The following UNC5C variants were observed in gnomAD, a reference collection of about 807,000 sequenced individuals.
UNC5C encodes unc-5 netrin receptor C.
A neutral mutation model predicts 99.8 loss-of-function variants in UNC5C; 47 were observed. The ratio of observed to expected loss-of-function variants is 0.47; its 90% CI spans 0.37 to 0.60. The LOEUF (loss-of-function observed/expected upper bound fraction) is 0.60, where lower values mean the gene tolerates loss of function less well. Ranked by LOEUF, UNC5C falls within the 20% of genes least tolerant of loss-of-function variation. UNC5C has a pLI of 0.00. For missense variants in UNC5C, 1,062 were observed against 1,165.9 expected, an observed-to-expected ratio of 0.91 and a Z score of 1.30; for synonymous variants, 487 against 452.2, an observed-to-expected ratio of 1.08 and a Z score of -0.98.
chr4:95,484,183 G>T (rs1721259925), intron 1 of UNC5C, among the ~76,000 whole-genome samples: 1 of 151,832 alleles, frequency 6.6e-6, no homozygotes, highest in Admixed American at 6.6e-5. Flanking sequence ...AGCCACATGG[G>T]TGGGTGTATA....
intron 1 of UNC5C, among the ~76,000 whole-genome samples, chr4:95,446,977 A>G (rs1377602813): frequency 6.6e-6 from 1 of 152,120 alleles, no homozygotes; most frequent in African/African-American, 2.4e-5. Context: ...ACCATTATCT[A>G]TTCTTAAGTT....
At chr4:95,447,194 G>T (rs1266022653) in intron 1 of UNC5C, among the ~76,000 whole-genome samples, 2 of 152,000 alleles carry the variant, frequency 1.3e-5, no homozygotes, top group African/African-American at 4.8e-5. Flanking sequence ...TATATGTATT[G>T]TTATAAAATT....
rs1385591181 is a variant in UNC5C, at chr4:95,167,016, A to G, written c.*2218T>C. 1 of 152,212 alleles carries G rather than the reference A, an allele frequency of 6.6e-6. No homozygotes were observed. The highest frequency in any genetic ancestry group is 2.4e-5 in the African/African-American group (1 of 41,446). The allele number at this position is 152,212 out of a possible 1,614,324, so 9.4% of individuals were successfully genotyped here. On this transcript the variant is annotated 3_prime_UTR_variant, in exon 16 of 16. Coordinates refer to ENST00000453304, the MANE Select transcript of UNC5C (RefSeq NM_003728.4). Reference sequence around the variant, plus strand: ...TGTATGTATGTCCAAAACAGAAGATACGGAATAAAAAGCATGAAAGAAAGA... The same window carrying G: ...TGTATGTATGTCCAAAACAGAAGATGCGGAATAAAAAGCATGAAAGAAAGA...
intron 14 of UNC5C, among the ~76,000 whole-genome samples, chr4:95,180,483 A>G (rs1736569803): frequency 1.3e-5 from 2 of 151,978 alleles, no homozygotes; most frequent in Non-Finnish European, 2.9e-5. Flanking sequence ...TTGTGTCAAT[A>G]CAGTTAGTTA....
At chr4:95,423,497 A>G (rs1410105918) in intron 1 of UNC5C, among the ~76,000 whole-genome samples, 1 of 152,262 alleles carries the variant, frequency 6.6e-6, no homozygotes, top group African/African-American at 2.4e-5. Flanking sequence ...TCACTACAAG[A>G]TCTGAAAAAG....
intron 1 of UNC5C, among the ~76,000 whole-genome samples, chr4:95,466,100 T>C (rs1747768639): frequency 6.6e-6 from 1 of 152,174 alleles, no homozygotes; most frequent in African/African-American, 2.4e-5. Context: ...AGGAGAGGGA[T>C]TTTGAAGATC....
intron 1 of UNC5C, among the ~76,000 whole-genome samples, chr4:95,429,731 T>A (rs1161865353): frequency 6.6e-6 from 1 of 152,132 alleles, no homozygotes; most frequent in East Asian, 1.9e-4. Context: ...ATTCTTGTCA[T>A]TCCTGACTGG....
Position 95,514,349 on chromosome 4 carries a change from T to A in UNC5C, c.124+34385A>T, listed in dbSNP as rs114051003. On this transcript the variant is annotated intron_variant, in intron 1 of 15. Transcript: ENST00000453304. ...AATTAGGTATAAATATAAAGTAAGT[T>A]CAGATATTTCAGAGATGTGGGTGAA... 5.4e-3 allele frequency among the ~76,000 whole-genome samples: 823 copies of A among 152,236 alleles called. 8 individuals are homozygous for A. Among genetic ancestry groups the A allele is most frequent in the African/African-American group, 0.019 (779 of 41,578 alleles).
At chr4:95,182,289 ATTCTAC>A (rs557961503) in intron 14 of UNC5C, among the ~76,000 whole-genome samples, 117 of 152,286 alleles carry the variant, frequency 7.7e-4, no homozygotes, top group African/African-American at 2.7e-3. Context: ...AAATACGGAG[ATTCTAC>A]TTCTATTTGT....
intron 1 of UNC5C, among the ~76,000 whole-genome samples, chr4:95,534,189 C>T (rs1269847623): frequency 1.4e-4 from 22 of 152,084 alleles, no homozygotes; most frequent in Non-Finnish European, 8.8e-5. Context: ...ACAAGTGAAT[C>T]AGTTTTATAG....
At chr4:95,484,087 A>T (rs951886979) in intron 1 of UNC5C, among the ~76,000 whole-genome samples, 1 of 151,828 alleles carries the variant, frequency 6.6e-6, no homozygotes, top group African/African-American at 2.4e-5. Flanking sequence ...TTAGAATATC[A>T]GAGTGGTGAG....
chr4:95,270,910 C>T (rs1740636009), intron 4 of UNC5C, among the ~76,000 whole-genome samples: 2 of 152,174 alleles, frequency 1.3e-5, no homozygotes, highest in African/African-American at 4.8e-5. Flanking sequence ...AACTCTCAGC[C>T]TTTCTTCTTA....
intron 2 of UNC5C, among the ~76,000 whole-genome samples, chr4:95,318,591 C>T (rs909342231): frequency 6.6e-6 from 1 of 152,150 alleles, no homozygotes; most frequent in African/African-American, 2.4e-5. Flanking sequence ...TGTGGAGAGG[C>T]AGCCTCTTAG....
At chr4:95,458,765 GC>G (rs1246013330) in intron 1 of UNC5C, among the ~76,000 whole-genome samples, 2 of 151,926 alleles carry the variant, frequency 1.3e-5, no homozygotes, top group Admixed American at 6.6e-5. Flanking sequence ...CTTTGCATAT[GC>G]CTACTCTTTT....
At position 95,311,295 on chromosome 4, in the gene UNC5C, A is replaced by C. The variant is rs141826690; in HGVS notation, c.347-9546T>G. On this transcript the variant is annotated intron_variant, in intron 2 of 15. Coordinates refer to ENST00000453304, the MANE Select transcript of UNC5C (RefSeq NM_003728.4). ...TGTGTGTCAATATTCTTTGGAATAT[A>C]AAAAAAACAATTTTGTGAATACATG... 2.7e-5 allele frequency among the ~76,000 whole-genome samples: 4 copies of C among 148,776 alleles called. No individual in the cohort carries two copies. In the South Asian group the frequency reaches 8.6e-4, roughly 32 times the overall value.
At chr4:95,232,610 T>C (rs1738954487) in intron 7 of UNC5C, among the ~76,000 whole-genome samples, 1 of 152,288 alleles carries the variant, frequency 6.6e-6, no homozygotes, top group Middle Eastern at 3.4e-3. Context: ...AGAGGTCCCT[T>C]TCCACCTAGA....
chr4:95,183,790 C>G (rs1281645735), intron 13 of UNC5C, among the ~76,000 whole-genome samples: 1 of 152,122 alleles, frequency 6.6e-6, no homozygotes, highest in Non-Finnish European at 1.5e-5. Flanking sequence ...AATAAGAACC[C>G]CTTATTTCGC....
At chr4:95,521,889 A>T (rs1331506013) in intron 1 of UNC5C, among the ~76,000 whole-genome samples, 5 of 152,322 alleles carry the variant, frequency 3.3e-5, no homozygotes, top group Non-Finnish European at 2.9e-5. Context: ...TAATTTTATC[A>T]TTCAATTTGG....
chr4:95,203,706 C>G (rs2149361036), intron 11 of UNC5C, among the ~76,000 whole-genome samples: 1 of 152,302 alleles, frequency 6.6e-6, no homozygotes, highest in Non-Finnish European at 1.5e-5. Context: ...TGAAGCGACC[C>G]ACTTGCCTTG....
Sources: gnomAD v4.1 joint callset for allele counts (sites outside exome capture counted in the v4.1 genomes callset) on GRCh38, gnomAD v4.1.1 for gene constraint, MANE v1.5 for transcripts, NCBI Gene and HGNC (gene_info 2026-07-23, HGNC 2026-07-21) for gene names.